MVB12B: variants seen among roughly 807,000 people sequenced by gnomAD.
MVB12B encodes ESCRT-I complex subunit MVB12B.
Under a neutral mutation model 41.6 loss-of-function variants are expected in MVB12B, and 16 were observed. The ratio of observed to expected loss-of-function variants is 0.38; its 90% CI spans 0.26 to 0.58. MVB12B has a LOEUF of 0.58. MVB12B is among the 20% of genes least tolerant of loss of function. The pLI, the probability that MVB12B is intolerant of heterozygous loss-of-function variation, is 0.62. For missense variants in MVB12B, 274 were observed against 380.2 expected (o/e 0.72, Z 2.32); for synonymous variants, 133 against 139.7 (o/e 0.95, Z 0.34).
chr9:126,440,417 G>A (rs1239417634), intron 7 of MVB12B, among the ~76,000 whole-genome samples: 2 of 152,214 alleles, frequency 1.3e-5, no homozygotes, highest in Non-Finnish European at 2.9e-5. Flanking sequence ...GCACAGTCTG[G>A]CATCGTTACG....
intron 2 of MVB12B, among the ~76,000 whole-genome samples, chr9:126,344,727 G>T (rs1046363630): frequency 1.3e-5 from 2 of 152,246 alleles, no homozygotes; most frequent in Admixed American, 6.5e-5. Context: ...TAAAGAGCAG[G>T]ATTTATTTCT....
intron 4 of MVB12B, among the ~76,000 whole-genome samples, chr9:126,390,951 CAAAAA>C (rs1214109113): frequency 2.6e-5 from 2 of 76,614 alleles, no homozygotes; most frequent in African/African-American, 4.7e-5. Context: ...GACTCCATCT[CAAAAA>C]AAAAAAAAAA....
At chr9:126,425,279 C>G (rs1832142158) in intron 7 of MVB12B, among the ~76,000 whole-genome samples, 2 of 152,188 alleles carry the variant, frequency 1.3e-5, no homozygotes, top group South Asian at 4.2e-4. Flanking sequence ...TGGATCTTGT[C>G]TCTTTAAAAA....
intron 7 of MVB12B, among the ~76,000 whole-genome samples, chr9:126,458,647 G>A (rs986562585): frequency 2.6e-5 from 4 of 152,158 alleles, no homozygotes; most frequent in Admixed American, 6.5e-5. Context: ...GCCTGGTTGC[G>A]ACAGCAGCCC....
chr9:126,496,685 C>CTGACAGAACT (rs977756626), intron 9 of MVB12B, among the ~76,000 whole-genome samples: 1 of 152,050 alleles, frequency 6.6e-6, no homozygotes, highest in Non-Finnish European at 1.5e-5. Flanking sequence ...AGGAGTGTTC[C>CTGACAGAACT]TGACAGAACT....
chr9:126,444,807 T>C (rs1832725262), intron 7 of MVB12B, among the ~76,000 whole-genome samples: 1 of 152,224 alleles, frequency 6.6e-6, no homozygotes. Flanking sequence ...TTATTTATTA[T>C]TGTCCCAGCA....
chr9:126,351,483 C>CTTTTTTTTTTTT (rs34141510), intron 2 of MVB12B, among the ~76,000 whole-genome samples: 3 of 86,298 alleles, frequency 3.5e-5, no homozygotes, highest in Non-Finnish European at 6.3e-5. Flanking sequence ...GTCTTTCACT[C>CTTTTTTTTTTTT]TTTTTTTTTT....
At chr9:126,338,575 T>TAAAAAAAA (rs34003566) in intron 1 of MVB12B, among the ~76,000 whole-genome samples, 1 of 146,448 alleles carries the variant, frequency 6.8e-6, no homozygotes. Context: ...CATACTATCT[T>TAAAAAAAA]AAAAAAAAAA....
Position 126,503,313 on chromosome 9 carries a change from G to T in MVB12B, c.*50G>T, listed in dbSNP as rs747495091. 17 of 1,461,016 alleles carry T rather than the reference G, an allele frequency of 1.2e-5. No homozygotes were observed. In the African/African-American group the frequency reaches 2.2e-4, roughly 19 times the overall value. The allele number at this position is 1,461,016 out of a possible 1,614,324, so 90.5% of individuals were successfully genotyped here. A position where few individuals can be genotyped will look rare whatever the true frequency, so the allele number is the denominator to read the frequency against. On this transcript the variant is annotated 3_prime_UTR_variant, in exon 10 of 10. Coordinates refer to ENST00000361171, the MANE Select transcript of MVB12B (RefSeq NM_033446.3). ...GACCACCGCCGCCCAGACTACTGACGGCAGGGGCTGCTGCCCCCGCCTCCT... is the reference window on the plus strand; with the variant it reads ...GACCACCGCCGCCCAGACTACTGACTGCAGGGGCTGCTGCCCCCGCCTCCT...
intron 6 of MVB12B, among the ~76,000 whole-genome samples, chr9:126,411,420 C>G (rs551953232): frequency 6.6e-6 from 1 of 152,140 alleles, no homozygotes; most frequent in Non-Finnish European, 1.5e-5. Context: ...AAAAAAAGTG[C>G]GCTGAGTCAG....
chr9:126,431,298 CAAGCAGCCCACGAT>C (rs1832324589), intron 7 of MVB12B, among the ~76,000 whole-genome samples: 1 of 152,208 alleles, frequency 6.6e-6, no homozygotes, highest in Admixed American at 6.5e-5. Context: ...TTTTCCGTGG[CAAGCAGCCCACGAT>C]CCCTTTCTCA....
intron 6 of MVB12B, among the ~76,000 whole-genome samples, chr9:126,410,716 T>C (rs1432582309): frequency 1.3e-5 from 2 of 152,160 alleles, no homozygotes; most frequent in East Asian, 1.9e-4. Flanking sequence ...CTTGGGCCAC[T>C]GTCTAGACTC....
chr9:126,476,273 T>A (rs559143905), intron 7 of MVB12B, among the ~76,000 whole-genome samples: 6 of 152,334 alleles, frequency 3.9e-5, no homozygotes, highest in African/African-American at 1.4e-4. Context: ...CCCAGGCACC[T>A]CAATGCCTGC....
chr9:126,499,016 C>A (rs904267018), intron 9 of MVB12B, among the ~76,000 whole-genome samples: 1 of 152,212 alleles, frequency 6.6e-6, no homozygotes, highest in Non-Finnish European at 1.5e-5. Flanking sequence ...AGGGCTAATT[C>A]TCTTCACTTT....
chr9:126,390,188 G>A (rs1328787161), intron 4 of MVB12B, among the ~76,000 whole-genome samples: 1 of 152,210 alleles, frequency 6.6e-6, no homozygotes, highest in Admixed American at 6.5e-5. Flanking sequence ...AGGCTTACTT[G>A]TCAATAATGA....
rs1354143770 is a variant in MVB12B at position 126,376,110 on chromosome 9, A to G, written c.205-4954A>G. Among the ~76,000 whole-genome samples the G allele has an allele frequency of 6.6e-6, 1 of 152,058 alleles. No individual in the cohort carries two copies. Among genetic ancestry groups the G allele is most frequent in the Non-Finnish European group, 1.5e-5 (1 of 68,008 alleles). On this transcript the variant is annotated intron_variant, in intron 2 of 9. Coordinates refer to ENST00000361171, the MANE Select transcript of MVB12B (RefSeq NM_033446.3). This position sits in a 1 kb window ranked among gnomAD's most constrained non-coding sequence, Gnocchi z 4.1. ...TCTTGACCCTTCAGTTTTCATTCCTATAATTGATCTCTTCATCTCTGTACT... is the reference window on the plus strand; with the variant it reads ...TCTTGACCCTTCAGTTTTCATTCCTGTAATTGATCTCTTCATCTCTGTACT...
rs1312135474 is a variant in MVB12B, at chr9:126,376,599, C to CA, written c.205-4464dup. 1.0e-5 allele frequency: 13 copies of CA among 1,289,272 alleles called. No homozygotes were observed. Among genetic ancestry groups the CA allele is most frequent in the Non-Finnish European group, 1.3e-5 (13 of 988,870 alleles). 79.9% of individuals were successfully genotyped at this position (1,289,272 alleles called of 1,614,324 possible). ...GACAAAGCCCTCAGTGTCCAGTGTTCAGGGGAGGCGGCTGGAAGCAAGAAG... is the reference window on the plus strand; with the variant it reads ...GACAAAGCCCTCAGTGTCCAGTGTTCAAGGGGAGGCGGCTGGAAGCAAGAAG... On this transcript the variant is annotated intron_variant, in intron 2 of 9. Transcript: ENST00000361171. This position sits in a 1 kb window ranked among gnomAD's most constrained non-coding sequence, Gnocchi z 4.1.
At chr9:126,345,418 G>A (rs372153030) in intron 2 of MVB12B, among the ~76,000 whole-genome samples, 27 of 152,338 alleles carry the variant, frequency 1.8e-4, no homozygotes, top group African/African-American at 5.3e-4. Flanking sequence ...CTCAGGCTCC[G>A]TGACTCTTTC....
At chr9:126,356,410 C>T (rs1052115981) in intron 2 of MVB12B, among the ~76,000 whole-genome samples, 6 of 151,974 alleles carry the variant, frequency 3.9e-5, no homozygotes, top group Non-Finnish European at 5.9e-5. Context: ...ATTGTACGTA[C>T]GTGTTTGGTT....
Sources: gnomAD v4.1 joint callset for allele counts (sites outside exome capture counted in the v4.1 genomes callset) on GRCh38, gnomAD v4.1.1 for gene constraint, Gnocchi (gnomAD v3.1) non-coding constraint, MANE v1.5 for transcripts, NCBI Gene and HGNC (gene_info 2026-07-23, HGNC 2026-07-21) for gene names.